Variants in NAALAD2 observed in about 807,000 individuals in gnomAD.
The protein encoded by NAALAD2 is N-acetylated-alpha-linked acidic dipeptidase 2.
NAALAD2 carries 89 observed loss-of-function variants against 95.6 expected under a neutral mutation model. The observed-to-expected ratio is 0.93, with a 90% CI of 0.78 to 1.11. The LOEUF (loss-of-function observed/expected upper bound fraction) is 1.11. Ranked by LOEUF, NAALAD2 falls within the 50% of genes least tolerant of loss-of-function variation. NAALAD2 has a pLI of 0.00. For synonymous variants in NAALAD2, 264 were observed against 294.4 expected (o/e 0.90, Z 1.06); for missense variants, 894 against 872.4 (o/e 1.02, Z -0.31).
chr11:90,151,964 A>G (rs1310575271), intron 5 of NAALAD2, among the ~76,000 whole-genome samples: 1 of 152,222 alleles, frequency 6.6e-6, no homozygotes, highest in East Asian at 1.9e-4. Flanking sequence ...TAGGAGAGAT[A>G]GATATTTAAT....
chr11:90,142,873 A>G (rs923624027), intron 2 of NAALAD2, among the ~76,000 whole-genome samples: 6 of 152,048 alleles, frequency 3.9e-5, no homozygotes, highest in Non-Finnish European at 8.8e-5. Flanking sequence ...CTCTTTGGCT[A>G]TACTTTTTAG....
chr11:90,171,868 A>G (rs1952648155), intron 13 of NAALAD2, among the ~76,000 whole-genome samples: 1 of 152,112 alleles, frequency 6.6e-6, no homozygotes, highest in South Asian at 2.1e-4. Context: ...AATTCTGACA[A>G]TGCATGTAGC....
intron 14 of NAALAD2, 44 bp downstream of exon 14, chr11:90,173,959 G>T: frequency 8.0e-7 from 1 of 1,242,308 alleles, no homozygotes; most frequent in East Asian, 2.4e-5. Context: ...GATAAGTTAT[G>T]AATTCCCCTC....
chr11:90,177,764 T>C, intron 15 of NAALAD2, 89 bp from the exon 16 acceptor site: 1 of 1,325,142 alleles, frequency 7.5e-7, no homozygotes, highest in South Asian at 1.5e-5. Flanking sequence ...GTTGTTATTT[T>C]TTCTATAGTT....
chr11:90,176,691 C>G (rs1301522704), intron 15 of NAALAD2, among the ~76,000 whole-genome samples: 1 of 152,070 alleles, frequency 6.6e-6, no homozygotes. Flanking sequence ...TTTCATAAAC[C>G]AAATTGAAGA....
chr11:90,131,926 G>A (rs879693546), upstream of NAALAD2: 1 of 152,172 alleles, frequency 6.6e-6, no homozygotes, highest in Non-Finnish European at 1.5e-5. Context: ...TATACTATTA[G>A]CTTTGATGGA....
At position 90,152,387 on chromosome 11, in the gene NAALAD2, C is replaced by T. The variant is rs761830046; in HGVS notation, c.699C>T (p.Pro233=). The change falls in exon 6 of 19, where the codon CCC becomes CCT. Residue 233 remains proline (P), a synonymous_variant. Coordinates refer to ENST00000534061, the MANE Select transcript of NAALAD2 (RefSeq NM_005467.4). ...DYFAPEVQPY[P]KGWNLPGTAA... is the part of the protein sequence containing the mutation. ...TTGCTCCTGAGGTACAGCCATATCC[C>T]AAAGGATGGAATCTTCCTGGAACTG... 4 of 1,613,814 alleles carry T rather than the reference C, an allele frequency of 2.5e-6. No individual in the cohort carries two copies. Among genetic ancestry groups the T allele is most frequent in the Non-Finnish European group, 3.4e-6 (4 of 1,179,856 alleles).
At chr11:90,135,198 G>A (rs946506572) in intron 1 of NAALAD2, 8 of 302,786 alleles carry the variant, frequency 2.6e-5, no homozygotes, top group Non-Finnish European at 4.2e-5. Flanking sequence ...AAAGCAAAAC[G>A]AAACAAAGCA....
chr11:90,162,830 T>C, intron 8 of NAALAD2, 119 bp from the exon 9 acceptor site: 1 of 563,874 alleles, frequency 1.8e-6, no homozygotes, highest in Non-Finnish European at 3.1e-6. Flanking sequence ...TGAGAATCCA[T>C]TATGCTATTG....
At position 90,178,057 on chromosome 11, in the gene NAALAD2, A is replaced by G; in HGVS notation, c.1798A>G (p.Ser600Gly). 1.2e-6 allele frequency: 2 copies of G among 1,613,856 alleles called. No individual in the cohort carries two copies. Among genetic ancestry groups the G allele is most frequent in the South Asian group, 1.1e-5 (1 of 91,066 alleles). Residue 600 changes from serine (S) to glycine (G), a missense_variant, in exon 16 of 19, where the codon AGT becomes GGT. By Grantham distance (56) the Ser-to-Gly change is moderately conservative. Transcript: ENST00000534061. ...AGAAGCTTTGAAAAACTATGCAGCA[A>G]GTATCTATAATCTATCTAAGAAACA... ...YAEALKNYAA[S>G]IYNLSKKHDQ...
intron 2 of NAALAD2, among the ~76,000 whole-genome samples, chr11:90,139,235 T>A (rs527449795): frequency 2.0e-5 from 3 of 151,854 alleles, no homozygotes; most frequent in Non-Finnish European, 4.4e-5. Context: ...GCCTTCTTGT[T>A]GTACAAACAA....
In NAALAD2 at chr11:90,191,781, C is replaced by G. The variant is rs765054272; in HGVS notation, c.*34C>G. 2 of 1,424,014 alleles carry G rather than the reference C, an allele frequency of 1.4e-6. No homozygotes were observed. The allele number at this position is 1,424,014 out of a possible 1,614,324, so 88.2% of individuals were successfully genotyped here. A position where few individuals can be genotyped will look rare whatever the true frequency, so the allele number is the denominator to read the frequency against. ...AAGTGGCTAGCCATTAAAGGTGTTG[C>G]TAAAAGTCTGAGGATAAAATTCACC... On this transcript the variant is annotated 3_prime_UTR_variant, in exon 19 of 19. Transcript: ENST00000534061.
chr11:90,148,933 T>C (rs1423516790), intron 3 of NAALAD2, 73 bp from the exon 4 acceptor site: 13 of 915,292 alleles, frequency 1.4e-5, no homozygotes, highest in Admixed American at 8.3e-5. Flanking sequence ...AGTATATACT[T>C]GGAGGCAAAA....
In NAALAD2 at chr11:90,154,904, GTATACATA is replaced by G. The variant is rs927274239; in HGVS notation, c.796+2422_796+2429del. ...CATAATATATGTATATATTATATAC[GTATACATA>G]TGTATATATTATATACGTATACATA... On this transcript the variant is annotated intron_variant, in intron 6 of 18. Transcript: ENST00000534061. 3.7e-4 allele frequency among the ~76,000 whole-genome samples: 38 copies of G among 102,250 alleles called. 3 individuals carry two copies. The highest frequency in any genetic ancestry group is 5.8e-4 in the Non-Finnish European group (32 of 55,382). 67.1% of individuals were successfully genotyped at this position (102,250 alleles called of 152,430 possible).
chr11:90,177,586 G>GTTTTTTTTTTTTTTTT (rs57694347), intron 15 of NAALAD2, among the ~76,000 whole-genome samples: 605 of 28,470 alleles, frequency 0.021, 267 homozygotes, highest in African/African-American at 0.025. Context: ...TCTTTTTCTT[G>GTTTTTTTTTTTTTTTT]TTTTTTTTTT....
chr11:90,155,847 ATATATAT>A (rs923084392), intron 6 of NAALAD2, among the ~76,000 whole-genome samples: 5 of 44,700 alleles, frequency 1.1e-4, no homozygotes, highest in Non-Finnish European at 1.8e-4. Context: ...TATATATGTT[ATATATAT>A]TATATTATAT....
At chr11:90,162,539 T>G (rs1565529900) in intron 8 of NAALAD2, 1 of 152,112 alleles carries the variant, frequency 6.6e-6, no homozygotes, top group Non-Finnish European at 1.5e-5. Flanking sequence ...TGCTTATACT[T>G]TTTTCTTTAT....
chr11:90,136,745 C>T (rs1951462252), intron 2 of NAALAD2, among the ~76,000 whole-genome samples: 2 of 152,110 alleles, frequency 1.3e-5, no homozygotes, highest in African/African-American at 4.8e-5. Flanking sequence ...CAGATGTTTA[C>T]AAGTCTTTCT....
At chr11:90,190,585 A>G (rs1404174377) in intron 18 of NAALAD2, among the ~76,000 whole-genome samples, 5 of 152,174 alleles carry the variant, frequency 3.3e-5, no homozygotes, top group Middle Eastern at 3.2e-3. Context: ...AGGAATATCT[A>G]TGACTTGCAT....
Sources: allele counts gnomAD v4.1 joint callset (sites outside exome capture counted in the v4.1 genomes callset), GRCh38; gene constraint gnomAD v4.1.1; transcripts MANE v1.5; gene names NCBI Gene and HGNC (gene_info 2026-07-23, HGNC 2026-07-21).